Variants in ASTN1 observed in about 807,000 individuals in gnomAD.
The protein encoded by ASTN1 is astrotactin 1, also known as astrotactin-1.
A neutral mutation model predicts 140.7 loss-of-function variants in ASTN1; 41 were observed. The ratio of observed to expected loss-of-function variants is 0.29; its 90% CI spans 0.23 to 0.38. The LOEUF (loss-of-function observed/expected upper bound fraction) is 0.38. Ranked by LOEUF, ASTN1 falls within the 10% of genes least tolerant of loss-of-function variation. The probability of loss-of-function intolerance (pLI) is 1.00; values close to 1 mark genes in which losing one functional copy is unlikely to be tolerated. For missense variants in ASTN1, 1,479 were observed against 1,678.8 expected, an observed-to-expected ratio of 0.88 and a Z score of 2.08; for synonymous variants, 640 against 652.2, an observed-to-expected ratio of 0.98 and a Z score of 0.29.
At position 177,164,679 on chromosome 1, in the gene ASTN1, T is replaced by G; in HGVS notation, c.-3A>C. Reference sequence around the variant, plus strand: ...GCGCAGAGCCCGGCTAAAGCCATCTTGAGCCCCGGCCGCCTTCCTCCTAGC... The same window carrying G: ...GCGCAGAGCCCGGCTAAAGCCATCTGGAGCCCCGGCCGCCTTCCTCCTAGC... On this transcript the variant is annotated 5_prime_UTR_variant, in exon 1 of 23. Coordinates refer to ENST00000361833, the MANE Select transcript of ASTN1 (RefSeq NM_004319.3). The G allele has an allele frequency of 1.3e-6, 2 of 1,557,238 alleles. No homozygotes were observed. The highest frequency in any genetic ancestry group is 8.7e-7 in the Non-Finnish European group (1 of 1,153,146).
chr1:177,154,275 C>T (rs1683154731), intron 1 of ASTN1, among the ~76,000 whole-genome samples: 1 of 152,148 alleles, frequency 6.6e-6, no homozygotes, highest in Middle Eastern at 3.2e-3. Context: ...TTTGTGTTGT[C>T]CAATAAACCC....
chr1:177,149,086 A>ATATATATAGTAAATATATATAGTG (rs1012853625), intron 1 of ASTN1, among the ~76,000 whole-genome samples: 21 of 129,402 alleles, frequency 1.6e-4, no homozygotes, highest in African/African-American at 6.5e-4. Context: ...TATAGTAAAC[A>ATATATATAGTAAATATATATAGTG]TATATATAGT....
chr1:176,981,476 G>C (rs1302791047), intron 8 of ASTN1: 2 of 152,150 alleles, frequency 1.3e-5, no homozygotes, highest in African/African-American at 4.8e-5. Flanking sequence ...CCTGGAGTAG[G>C]GGGTGCCAAA....
intron 1 of ASTN1, among the ~76,000 whole-genome samples, chr1:177,105,857 C>T (rs553171131): frequency 1.6e-3 from 248 of 152,172 alleles, no homozygotes; most frequent in African/African-American, 5.4e-3. Flanking sequence ...TAGCTGGGTG[C>T]GGTGGCATGT....
chr1:177,059,686 T>C (rs958483249), intron 2 of ASTN1, among the ~76,000 whole-genome samples: 1 of 152,194 alleles, frequency 6.6e-6, no homozygotes, highest in African/African-American at 2.4e-5. Context: ...TTTTGAGATT[T>C]TATCAGAGAT....
chr1:177,072,965 G>A (rs1188556107), intron 1 of ASTN1, among the ~76,000 whole-genome samples: 2 of 152,072 alleles, frequency 1.3e-5, no homozygotes, highest in Admixed American at 1.3e-4. Context: ...AAAAAGTGCT[G>A]GGTTTTCTTC....
In ASTN1 at chr1:176,943,872, G is replaced by T; in HGVS notation, c.2377+19C>A. ...TGCCTGTTTGTGCCAGTTGAATAAG[G>T]TTGAGAAGGCACACTCACCAGTCAG... is the stretch of plus-strand genomic sequence containing the variant. On this transcript the variant is annotated intron_variant, in intron 14 of 22. Coordinates refer to ENST00000361833, the MANE Select transcript of ASTN1 (RefSeq NM_004319.3). 3 of 1,583,052 alleles carry T rather than the reference G, an allele frequency of 1.9e-6. No homozygotes were observed. The highest frequency in any genetic ancestry group is 2.6e-6 in the Non-Finnish European group (3 of 1,162,558).
chr1:176,883,644 G>C (rs1406384302), intron 19 of ASTN1, among the ~76,000 whole-genome samples: 1 of 152,214 alleles, frequency 6.6e-6, no homozygotes, highest in Admixed American at 6.5e-5. Flanking sequence ...CAGCAGCTGC[G>C]TATGTCTCTA....
At chr1:177,044,554 T>C (rs1433861394) in intron 2 of ASTN1, among the ~76,000 whole-genome samples, 1 of 152,200 alleles carries the variant, frequency 6.6e-6, no homozygotes, top group Admixed American at 6.5e-5. Flanking sequence ...AAGTTGGAAA[T>C]TGAGCGGCAG....
intron 8 of ASTN1, among the ~76,000 whole-genome samples, chr1:176,965,756 T>C (rs1452535570): frequency 2.0e-5 from 3 of 152,186 alleles, no homozygotes; most frequent in African/African-American, 7.2e-5. Flanking sequence ...AGCAGACCTC[T>C]TAGGCCAAAG....
intron 15 of ASTN1, 105 bp from the exon 16 acceptor site, chr1:176,934,445 A>C: frequency 1.7e-6 from 2 of 1,176,184 alleles, no homozygotes; most frequent in Non-Finnish European, 2.3e-6. Flanking sequence ...TGTGGCTCAA[A>C]GTGATGTGGG....
In ASTN1 at chr1:176,863,116, G is replaced by A. The variant is rs1054308261; in HGVS notation, c.*1168C>T. The stretch of plus-strand genomic sequence containing the variant: ...GGAAACAACACTCTAGATGTTAACT[G>A]CAATCAGTGGTGCTTCCCTACACAG... On this transcript the variant is annotated 3_prime_UTR_variant, in exon 23 of 23. Coordinates refer to ENST00000361833, the MANE Select transcript of ASTN1 (RefSeq NM_004319.3). 2 of 985,704 alleles carry A rather than the reference G, an allele frequency of 2.0e-6. No homozygotes were observed. The highest frequency in any genetic ancestry group is 2.4e-6 in the Non-Finnish European group (2 of 829,928). 61.1% of individuals were successfully genotyped at this position (985,704 alleles called of 1,614,324 possible).
chr1:176,939,919 G>A (rs1240860045), intron 14 of ASTN1, among the ~76,000 whole-genome samples: 35 of 151,950 alleles, frequency 2.3e-4, no homozygotes, highest in Non-Finnish European at 2.8e-4. Context: ...AGGATGGAGG[G>A]AGGACACTAG....
chr1:177,061,216 C>A lies in ASTN1; in HGVS notation c.333G>T (p.Gln111His). 6.2e-7 allele frequency: 1 copy of A among 1,604,172 alleles called. No individual in the cohort carries two copies. The highest frequency in any genetic ancestry group is 2.3e-5 in the East Asian group (1 of 44,154). The change falls in exon 2 of 23, where the codon CAG becomes CAT. Residue 111 changes from glutamine (Q) to histidine (H), a missense_variant. Physicochemically the swap from Gln to His is conservative, Grantham distance 24. This residue lies in a region of ASTN1 where 729 missense variants were observed against 860.4 expected (regional missense o/e 0.85). Transcript: ENST00000361833. ...EDIPLVRWRQ[Q>H]WLENGTLLFH... is the part of the protein sequence containing the mutation. ...AAAGCAAAGTGCCATTCTCCAGCCACTGCTGCCTCCAGCGCACCAAAGGGA... is the reference window on the plus strand; with the variant it reads ...AAAGCAAAGTGCCATTCTCCAGCCAATGCTGCCTCCAGCGCACCAAAGGGA...
chr1:177,036,543 T>C (rs964153777), intron 2 of ASTN1, among the ~76,000 whole-genome samples: 2 of 152,214 alleles, frequency 1.3e-5, no homozygotes, highest in South Asian at 2.1e-4. Flanking sequence ...TAAATAATAA[T>C]ATACTGTAAT....
At chr1:177,029,361 T>C (rs368026168) in intron 5 of ASTN1, 7 of 651,874 alleles carry the variant, frequency 1.1e-5, no homozygotes, top group Admixed American at 1.8e-5. Flanking sequence ...CCAGAAGAAA[T>C]TGAGAGTCAT....
intron 1 of ASTN1, among the ~76,000 whole-genome samples, chr1:177,067,109 A>T (rs1187606487): frequency 1.3e-5 from 2 of 151,948 alleles, no homozygotes; most frequent in South Asian, 2.1e-4. Context: ...ATGGTTTCTG[A>T]GGGGGGGTTC....
At chr1:176,906,193 G>A (rs1669991627) in intron 16 of ASTN1, among the ~76,000 whole-genome samples, 1 of 152,212 alleles carries the variant, frequency 6.6e-6, no homozygotes, top group African/African-American at 2.4e-5. Flanking sequence ...TGAAGGAACT[G>A]GGGGAGTTTA....
intron 16 of ASTN1, among the ~76,000 whole-genome samples, chr1:176,912,897 T>C (rs1670310303): frequency 6.6e-6 from 1 of 152,244 alleles, no homozygotes; most frequent in South Asian, 2.1e-4. Context: ...GATATAATGT[T>C]AATAAGCTCT....
Sources: gnomAD v4.1 joint callset for allele counts (sites outside exome capture counted in the v4.1 genomes callset) on GRCh38, gnomAD v4.1.1 for gene constraint, gnomAD v4.1.1 regional missense constraint, MANE v1.5 for transcripts, NCBI Gene and HGNC (gene_info 2026-07-23, HGNC 2026-07-21) for gene names.